DRC9: variants seen among roughly 807,000 people sequenced by gnomAD.
DRC9 encodes dynein regulatory complex protein 9.
At chr3:197,954,229 T>G in the DRC9 span, 1 of 1,470,688 alleles carries the variant, frequency 6.8e-7, no homozygotes. Flanking sequence ...TGAGGACTTC[T>G]GTGGTTGTGA....
At chr3:197,954,507 G>A in the DRC9 span, 2 of 334,148 alleles carry the variant, frequency 6.0e-6, no homozygotes, top group Non-Finnish European at 1.1e-5. Context: ...CTAATTTTTG[G>A]GGTTTTTGTT....
At chr3:197,959,683 C>T in the DRC9 span, 1 of 152,454 alleles carries the variant, frequency 6.6e-6, no homozygotes, top group Non-Finnish European at 1.5e-5. Context: ...CCAGGATCCC[C>T]CTTATCTCAG....
At chr3:197,942,385 C>CAAAAAAAAAA in the DRC9 span, among the ~76,000 whole-genome samples, 8 of 17,066 alleles carry the variant, frequency 4.7e-4, 1 homozygote, top group African/African-American at 1.0e-3. Context: ...CTCCGTCTCA[C>CAAAAAAAAAA]AAAAAAAAAA....
At chr3:197,921,958 T>C in the DRC9 span, among the ~76,000 whole-genome samples, 1 of 122,800 alleles carries the variant, frequency 8.1e-6, no homozygotes, top group Admixed American at 7.4e-5. Flanking sequence ...TCATCTTGGT[T>C]GACCTGACTA....
At chr3:197,952,696 GT>G in the DRC9 span, 1 of 151,840 alleles carries the variant, frequency 6.6e-6, no homozygotes, top group Admixed American at 6.6e-5. Context: ...GTTTCACAGT[GT>G]TGGTCACTCT....
At chr3:197,953,575 A>T in the DRC9 span, 1 of 457,676 alleles carries the variant, frequency 2.2e-6, no homozygotes, top group African/African-American at 2.0e-5. Context: ...TCATCCCGTG[A>T]TCACTTCATG....
At chr3:197,919,607 G>A in the DRC9 span, among the ~76,000 whole-genome samples, 1 of 152,140 alleles carries the variant, frequency 6.6e-6, no homozygotes, top group Admixed American at 6.5e-5. Context: ...CTTGTTATTC[G>A]AATTCAGAGA....
the DRC9 span, among the ~76,000 whole-genome samples, chr3:197,937,703 C>T: frequency 6.6e-6 from 1 of 152,006 alleles, no homozygotes; most frequent in African/African-American, 2.4e-5. Context: ...TGGTCTTGAA[C>T]TCCTGACCTC....
chr3:197,951,153 T>A, the DRC9 span: 1 of 1,614,126 alleles, frequency 6.2e-7, no homozygotes, highest in Non-Finnish European at 8.5e-7. Flanking sequence ...ATCTTTTGTG[T>A]CTTAGGCTGT....
At chr3:197,929,738 T>A in the DRC9 span, among the ~76,000 whole-genome samples, 1 of 152,056 alleles carries the variant, frequency 6.6e-6, no homozygotes, top group South Asian at 2.1e-4. The surrounding 1 kb of genome is among the most constrained non-coding windows in gnomAD (Gnocchi z 4.6). Context: ...GCCACTGCAC[T>A]CCAGCCTGGG....
the DRC9 span, among the ~76,000 whole-genome samples, chr3:197,912,112 C>G: frequency 1.3e-5 from 2 of 152,036 alleles, no homozygotes; most frequent in South Asian, 4.1e-4. Context: ...GTGATCTCAG[C>G]TCACTGCATC....
chr3:197,955,684 C>T, the DRC9 span: 68,314 of 1,330,430 alleles, frequency 0.051, 2,130 homozygotes, highest in African/African-American at 0.089. Context: ...ATCCGTATTA[C>T]GGTTCTTGAT....
the DRC9 span, among the ~76,000 whole-genome samples, chr3:197,921,187 G>A: frequency 7.9e-6 from 1 of 126,732 alleles, no homozygotes; most frequent in Non-Finnish European, 1.6e-5. Context: ...CCCGACTACT[G>A]GTTTTCAGTA....
At chr3:197,889,271 G>A in the DRC9 span, 1 of 324,662 alleles carries the variant, frequency 3.1e-6, no homozygotes, top group South Asian at 6.5e-5. Flanking sequence ...CTGTAGCTAA[G>A]CCAGTGAACT....
At chr3:197,927,637 A>G in the DRC9 span, among the ~76,000 whole-genome samples, 1 of 152,250 alleles carries the variant, frequency 6.6e-6, no homozygotes, top group Non-Finnish European at 1.5e-5. Context: ...AATAGATAAG[A>G]AAGCTACAGA....
chr3:197,944,609 T>C, the DRC9 span, among the ~76,000 whole-genome samples: 1 of 152,142 alleles, frequency 6.6e-6, no homozygotes, highest in African/African-American at 2.4e-5. Context: ...CCAACACACC[T>C]GGCTAATTTT....
chr3:197,900,301 G>C, the DRC9 span, among the ~76,000 whole-genome samples: 1 of 152,188 alleles, frequency 6.6e-6, no homozygotes, highest in African/African-American at 2.4e-5. The surrounding 1 kb of genome is among the most constrained non-coding windows in gnomAD (Gnocchi z 4.7). Flanking sequence ...GGTTAAGGGA[G>C]TGCTTGTGTC....
At chr3:197,910,869 G>A in the DRC9 span, among the ~76,000 whole-genome samples, 9 of 152,054 alleles carry the variant, frequency 5.9e-5, no homozygotes, top group East Asian at 1.7e-3. Flanking sequence ...CTACTCAGGA[G>A]GCTGAGGCAG....
chr3:197,903,069 A>G, the DRC9 span, among the ~76,000 whole-genome samples: 1 of 152,208 alleles, frequency 6.6e-6, no homozygotes, highest in African/African-American at 2.4e-5. Context: ...CCAAGAACAA[A>G]CACTGGGGAA....
Sources: gnomAD v4.1 joint callset for allele counts (sites outside exome capture counted in the v4.1 genomes callset) on GRCh38, gnomAD v4.1.1 for gene constraint, Gnocchi (gnomAD v3.1) non-coding constraint, MANE v1.5 for transcripts, NCBI Gene and HGNC (gene_info 2026-07-23, HGNC 2026-07-21) for gene names.